The following VEGFB variants were observed in gnomAD, a reference collection of about 807,000 sequenced individuals.
The protein encoded by VEGFB is VEGF-related factor.
In VEGFB, 24 loss-of-function variants were observed where a neutral mutation model predicts 22.5. That is an observed-to-expected ratio of 1.07 (90% CI 0.77 to 1.50). VEGFB has a LOEUF of 1.50. Ranked by LOEUF, VEGFB falls within the 40% of genes most tolerant of loss-of-function variation. The pLI, the probability that VEGFB is intolerant of heterozygous loss-of-function variation, is 0.00. For synonymous variants in VEGFB, 141 were observed against 117.4 expected (o/e 1.20, Z -1.30); for missense variants, 327 against 287.8 (o/e 1.14, Z -0.99).
Position 64,236,562 on chromosome 11 carries a change from A to C in VEGFB, c.374+235A>C, listed in dbSNP as rs559597655. On this transcript the variant is annotated intron_variant, in intron 4 of 6. Coordinates refer to ENST00000309422, the MANE Select transcript of VEGFB (RefSeq NM_003377.5). ...AAACCTGTCTCTACTAAAAAAATAC[A>C]AAAAATTAGCCGGGCGTGGTGGCGG... 5.3e-5 allele frequency among the ~76,000 whole-genome samples: 8 copies of C among 151,898 alleles called. No homozygotes were observed. The East Asian group carries it at 1.6e-3, about 29-fold the overall frequency.
In VEGFB at chr11:64,237,650, C is replaced by T. The variant is rs768234724; in HGVS notation, c.*17C>T. The stretch of plus-strand genomic sequence containing the variant: ...GGGGCTTAGAGCTCAACCCAGACAC[C>T]TGCAGGTGAGGCGTCTGTGGGGTGG... On this transcript the variant is annotated 3_prime_UTR_variant, in exon 6 of 7. Coordinates refer to ENST00000309422, the MANE Select transcript of VEGFB (RefSeq NM_003377.5). 6.5e-7 allele frequency: 1 copy of T among 1,526,892 alleles called. No homozygotes were observed. Among genetic ancestry groups the T allele is most frequent in the African/African-American group, 1.4e-5 (1 of 73,040 alleles). 94.6% of individuals were successfully genotyped at this position (1,526,892 alleles called of 1,614,324 possible).
At chr11:64,236,943 C>G (rs527947333) in intron 4 of VEGFB, among the ~76,000 whole-genome samples, 1 of 148,308 alleles carries the variant, frequency 6.7e-6, no homozygotes, top group South Asian at 2.2e-4. Context: ...ATTAGCCGCG[C>G]ATGGTGGCAG....
intron 6 of VEGFB, 121 bp from the exon 7 acceptor site, chr11:64,238,235 C>T (rs2030241062): frequency 3.9e-6 from 5 of 1,293,974 alleles, no homozygotes; most frequent in Non-Finnish European, 5.3e-6. Context: ...CTCCAGTGCC[C>T]AGGGCCGAGT....
intron 4 of VEGFB, 60 bp from the exon 5 acceptor site, chr11:64,237,127 G>GAGATAT (rs1565318108): frequency 1.2e-6 from 1 of 813,042 alleles, no homozygotes; most frequent in East Asian, 3.2e-5. Context: ...GAGAGAGTAG[G>GAGATAT]ATGCTGGGAT....
At chr11:64,236,370 TG>T (rs1309766654) in intron 4 of VEGFB, 43 bp downstream of exon 4, 4 of 1,589,104 alleles carry the variant, frequency 2.5e-6, no homozygotes, top group East Asian at 2.2e-5. Context: ...AGGCCAGGCT[TG>T]GGGGGTGCTG....
At chr11:64,235,285 G>A (rs1342183310) in intron 1 of VEGFB, among the ~76,000 whole-genome samples, 173 bp from the exon 2 acceptor site, 2 of 152,264 alleles carry the variant, frequency 1.3e-5, no homozygotes, top group African/African-American at 4.8e-5. Flanking sequence ...CAGGTCCCGG[G>A]TGGCCAGGAG....
chr11:64,236,072 G>T, intron 3 of VEGFB, 63 bp downstream of exon 3: 1 of 1,536,288 alleles, frequency 6.5e-7, no homozygotes. Context: ...GCAGCGGGCA[G>T]GGTGGATGCT....
chr11:64,237,394 C>A (rs753357243), intron 5 of VEGFB, 26 bp from the exon 6 acceptor site: 14 of 1,567,844 alleles, frequency 8.9e-6, no homozygotes, highest in East Asian at 4.5e-5. Flanking sequence ...CCTTCCCACC[C>A]CAGACATGTC....
At chr11:64,236,151 G>C in intron 3 of VEGFB, 103 bp from the exon 4 acceptor site, 1 of 1,531,628 alleles carries the variant, frequency 6.5e-7, no homozygotes, top group South Asian at 1.2e-5. Flanking sequence ...GAGGGCTGGT[G>C]GCCAGCCTCC....
intron 5 of VEGFB, 63 bp from the exon 6 acceptor site, chr11:64,237,357 C>G: frequency 6.5e-7 from 1 of 1,531,408 alleles, no homozygotes; most frequent in Admixed American, 1.7e-5. Context: ...GTTCTCTGCC[C>G]CGACCCCAGC....
chr11:64,238,726 A>C lies in VEGFB; in HGVS notation c.*393A>C. 2.9e-6 allele frequency: 1 copy of C among 344,970 alleles called. No homozygotes were observed. The highest frequency in any genetic ancestry group is 6.0e-5 in the East Asian group (1 of 16,566). The allele number at this position is 344,970 out of a possible 1,614,324, so 21.4% of individuals were successfully genotyped here. ...CTAAGAAGACCCAAACCTCTGCATA[A>C]TGGGATTTGGGCTTTGGTACAAGAA... is the stretch of plus-strand genomic sequence containing the variant. On this transcript the variant is annotated 3_prime_UTR_variant, in exon 7 of 7. Coordinates refer to ENST00000309422, the MANE Select transcript of VEGFB (RefSeq NM_003377.5).
chr11:64,234,820 C>T lies in VEGFB; in HGVS notation c.-14C>T. ...CGATGCGGGCGCCCCCGGCGGGCGG[C>T]CCCGGCGGGCACCATGAGCCCTCTG... On this transcript the variant is annotated 5_prime_UTR_variant, in exon 1 of 7. Transcript: ENST00000309422. The surrounding 1 kb of genome is among the most constrained non-coding windows in gnomAD (Gnocchi z 5.3). The T allele has an allele frequency of 1.7e-6, 2 of 1,173,204 alleles. No homozygotes were observed. Among genetic ancestry groups the T allele is most frequent in the African/African-American group, 1.6e-5 (1 of 61,582 alleles). The allele number at this position is 1,173,204 out of a possible 1,614,324, so 72.7% of individuals were successfully genotyped here. A position where few individuals can be genotyped will look rare whatever the true frequency, so the allele number is the denominator to read the frequency against.
In VEGFB at chr11:64,235,899, G is replaced by A. The variant is rs767982544; in HGVS notation, c.190G>A (p.Val64Met). The change falls in exon 3 of 7, where the codon GTG becomes ATG. Residue 64 changes from valine (V) to methionine (M), a missense_variant. By Grantham distance (21) the Val-to-Met change is conservative. Coordinates refer to ENST00000309422, the MANE Select transcript of VEGFB (RefSeq NM_003377.5). ...VPLTVELMGT[V>M]AKQLVPSCVT... is the part of the protein sequence containing the mutation. ...CTTGACTGTGGAGCTCATGGGCACC[G>A]TGGCCAAACAGCTGGTGCCCAGCTG... is the stretch of plus-strand genomic sequence containing the variant. 5.6e-6 allele frequency: 9 copies of A among 1,613,650 alleles called. No homozygotes were observed. Among genetic ancestry groups the A allele is most frequent in the East Asian group, 4.5e-5 (2 of 44,894 alleles).
chr11:64,236,727 A>C (rs76684666), intron 4 of VEGFB, among the ~76,000 whole-genome samples: 2 of 28,206 alleles, frequency 7.1e-5, no homozygotes, highest in East Asian at 1.5e-3. Context: ...AAAAAAAAAA[A>C]AAAAAAAAAA....
rs540275735 is a variant in VEGFB, at chr11:64,236,894, C to G, written c.375-293C>G. 8.0e-4 allele frequency among the ~76,000 whole-genome samples: 119 copies of G among 147,958 alleles called. 1 individual carries two copies. Among genetic ancestry groups the G allele is most frequent in the East Asian group, 7.1e-3 (35 of 4,962 alleles). ...AGGCGTTTGAGACCAGCCTGGCCAA[C>G]ATGGTGAAACCCCATCTCTACTAAA... On this transcript the variant is annotated intron_variant, in intron 4 of 6. Transcript: ENST00000309422.
intron 4 of VEGFB, 52 bp from the exon 5 acceptor site, chr11:64,237,135 G>T: frequency 1.5e-6 from 2 of 1,348,870 alleles, no homozygotes; most frequent in Non-Finnish European, 2.1e-6. Flanking sequence ...AGGATGCTGG[G>T]ATTTCCTGAT....
At chr11:64,235,594 G>A (rs1364643100) in intron 2 of VEGFB, 94 bp downstream of exon 2, 5 of 1,397,862 alleles carry the variant, frequency 3.6e-6, no homozygotes, top group Non-Finnish European at 5.1e-6. Context: ...AACTCCCCTA[G>A]AAGATTCAAA....
intron 1 of VEGFB, 68 bp from the exon 2 acceptor site, chr11:64,235,390 C>G: frequency 6.7e-7 from 1 of 1,483,094 alleles, no homozygotes; most frequent in Non-Finnish European, 9.4e-7. Context: ...GGGCAAAGCC[C>G]CAGGGACGGT....
intron 4 of VEGFB, 171 bp from the exon 5 acceptor site, chr11:64,237,016 G>T (rs1472820698): frequency 6.2e-6 from 3 of 484,970 alleles, no homozygotes; most frequent in East Asian, 3.9e-5. Flanking sequence ...CTGGGAGGCG[G>T]AGGTTGCAGT....
Sources: allele counts gnomAD v4.1 joint callset (sites outside exome capture counted in the v4.1 genomes callset), GRCh38; gene constraint gnomAD v4.1.1; non-coding constraint Gnocchi (gnomAD v3.1); transcripts MANE v1.5; gene names NCBI Gene and HGNC (gene_info 2026-07-23, HGNC 2026-07-21).